The following BRDT variants were observed in gnomAD, a reference collection of about 807,000 sequenced individuals.
The protein encoded by BRDT is bromodomain testis associated, also known as bromodomain testis-specific protein.
BRDT carries 77 observed loss-of-function variants against 113.9 expected under a neutral mutation model. That is an observed-to-expected ratio of 0.68 (90% CI 0.56 to 0.82). BRDT has a LOEUF of 0.82. Among genes scored for constraint, BRDT ranks in the 40% least tolerant of loss-of-function variants. The probability of loss-of-function intolerance (pLI) is 0.00; values close to 1 mark genes in which losing one functional copy is unlikely to be tolerated. For synonymous variants in BRDT, 358 were observed against 366.5 expected (o/e 0.98, Z 0.26); for missense variants, 1,027 against 1,105.4 (o/e 0.93, Z 1.01).
At chr1:91,953,281 T>C (rs1049995348) in intron 1 of BRDT, among the ~76,000 whole-genome samples, 1 of 152,196 alleles carries the variant, frequency 6.6e-6, no homozygotes, top group African/African-American at 2.4e-5. Flanking sequence ...ACCTCCAGAA[T>C]CCAAGCTCTT....
At chr1:91,991,571 A>C (rs1685754872) in intron 13 of BRDT, among the ~76,000 whole-genome samples, 1 of 152,222 alleles carries the variant, frequency 6.6e-6, no homozygotes, top group Non-Finnish European at 1.5e-5. Context: ...AACTATGCGT[A>C]CAGTGAAGTG....
chr1:91,962,809 T>A lies in BRDT; in HGVS notation c.55T>A (p.Tyr19Asn), dbSNP rs1401930664. The change falls in exon 2 of 19, where the codon TAT becomes AAT. Residue 19 changes from tyrosine (Y) to asparagine (N), a missense_variant. Transcript: ENST00000399546. ...TATTGTTAACCCTCCTCCACCAGAA[T>A]ATATAAATACTAAGAAAAATGGGCG... The part of the protein sequence containing the change: ...AIIVNPPPPE[Y>N]INTKKNGRLT... 1 of 1,610,052 alleles carries A rather than the reference T, an allele frequency of 6.2e-7. No individual in the cohort carries two copies. The highest frequency in any genetic ancestry group is 8.5e-7 in the Non-Finnish European group (1 of 1,178,786).
chr1:91,972,983 A>C (rs1683772828), intron 4 of BRDT, among the ~76,000 whole-genome samples: 1 of 152,188 alleles, frequency 6.6e-6, no homozygotes, highest in East Asian at 1.9e-4. Context: ...AGAGCTAGAC[A>C]GTTGGTGAGT....
At chr1:91,956,998 G>T (rs892304730) in intron 1 of BRDT, among the ~76,000 whole-genome samples, 2 of 151,922 alleles carry the variant, frequency 1.3e-5, no homozygotes, top group Non-Finnish European at 2.9e-5. Flanking sequence ...CACATTTTTG[G>T]CAAAAAGGCT....
intron 4 of BRDT, among the ~76,000 whole-genome samples, chr1:91,975,275 G>A (rs1684023753): frequency 6.6e-6 from 1 of 151,700 alleles, no homozygotes; most frequent in African/African-American, 2.4e-5. Flanking sequence ...GAACTTAAAA[G>A]TATAATAAAA....
At chr1:92,005,827 T>C (rs1251943695) in intron 18 of BRDT, among the ~76,000 whole-genome samples, 1 of 152,236 alleles carries the variant, frequency 6.6e-6, no homozygotes, top group Non-Finnish European at 1.5e-5. Context: ...TGTTACTGTT[T>C]AAAAATCTGT....
chr1:91,958,780 G>C (rs1263811179), intron 1 of BRDT, among the ~76,000 whole-genome samples: 2 of 152,110 alleles, frequency 1.3e-5, no homozygotes, highest in Admixed American at 1.3e-4. Context: ...ATGAGGCGGG[G>C]AACCGTGGGC....
chr1:91,950,684 C>CCTTTTT (rs745690530), intron 1 of BRDT: 1 of 80,410 alleles, frequency 1.2e-5, no homozygotes, highest in African/African-American at 4.8e-5. Context: ...TGGATAATTG[C>CCTTTTT]TTTTTTTTTT....
At position 92,004,634 on chromosome 1, in the gene BRDT, G is replaced by A. The variant is rs761418935; in HGVS notation, c.2594+15G>A. The A allele has an allele frequency of 9.5e-6, 15 of 1,575,894 alleles. No homozygotes were observed. The highest frequency in any genetic ancestry group is 1.2e-5 in the Non-Finnish European group (14 of 1,164,220). On this transcript the variant is annotated intron_variant, in intron 17 of 18. Coordinates refer to ENST00000399546, the MANE Select transcript of BRDT (RefSeq NM_207189.4). The stretch of plus-strand genomic sequence containing the variant: ...GAAAATCAGAGGTCTGTAATTTACT[G>A]GATTAAAGGAGGGTTTGGGAGATAT...
intron 4 of BRDT, among the ~76,000 whole-genome samples, chr1:91,968,515 G>A (rs1481119466): frequency 1.3e-5 from 2 of 152,050 alleles, no homozygotes; most frequent in Non-Finnish European, 2.9e-5. Flanking sequence ...CACATAGTAG[G>A]GATTCAGAAA....
chr1:91,955,225 G>T (rs986653137), intron 1 of BRDT, among the ~76,000 whole-genome samples: 1 of 152,108 alleles, frequency 6.6e-6, no homozygotes, highest in African/African-American at 2.4e-5. Context: ...GGAGGCTGAG[G>T]CAGGTGGATC....
Position 92,005,286 on chromosome 1 carries a change from G to C in BRDT, c.2762G>C (p.Arg921Thr). The C allele has an allele frequency of 6.4e-7, 1 of 1,554,254 alleles. No individual in the cohort carries two copies. Among genetic ancestry groups the C allele is most frequent in the Non-Finnish European group, 8.6e-7 (1 of 1,158,974 alleles). ...DLARQKEQERRRREAMVGTID... is the reference protein window; with the variant it reads ...DLARQKEQERTRREAMVGTID... ...GCAAGGCAGAAAGAACAAGAGAGGAGGAGGAGAGAAGCAGTAAGTGAATTT... is the reference window on the plus strand; with the variant it reads ...GCAAGGCAGAAAGAACAAGAGAGGACGAGGAGAGAAGCAGTAAGTGAATTT... The change falls in exon 18 of 19, where the codon AGG (arginine) becomes ACG (threonine). Residue 921 changes from arginine (R) to threonine (T), a missense_variant. Arg to Thr is a moderately conservative substitution (Grantham distance 71). Transcript: ENST00000399546.
At chr1:91,958,415 C>T (rs1317136309) in intron 1 of BRDT, among the ~76,000 whole-genome samples, 1 of 151,988 alleles carries the variant, frequency 6.6e-6, no homozygotes, top group Non-Finnish European at 1.5e-5. Flanking sequence ...GGGTTTTCAC[C>T]ATATTGCCCA....
rs200254179 is a variant in BRDT, at chr1:91,995,403, C to CTG, written c.2287+1203_2287+1204dup. 1.4e-3 allele frequency among the ~76,000 whole-genome samples: 209 copies of CTG among 146,838 alleles called. 1 individual carries two copies. The highest frequency in any genetic ancestry group is 3.8e-3 in the East Asian group (18 of 4,792). ...TTCAGTTTAAAATCTCCCTACTATT[C>CTG]TGTGTGTGTGTGTGTGTGTGTGTGT... is the stretch of plus-strand genomic sequence containing the variant. On this transcript the variant is annotated intron_variant, in intron 15 of 18. Coordinates refer to ENST00000399546, the MANE Select transcript of BRDT (RefSeq NM_207189.4).
At chr1:92,002,403 G>A (rs1396667106) in intron 16 of BRDT, among the ~76,000 whole-genome samples, 5 of 151,652 alleles carry the variant, frequency 3.3e-5, no homozygotes, top group African/African-American at 7.3e-5. Flanking sequence ...TCACTCTGTC[G>A]CCTAGGCTGG....
intron 12 of BRDT, among the ~76,000 whole-genome samples, chr1:91,985,753 C>G (rs1685164996): frequency 6.6e-6 from 1 of 151,304 alleles, no homozygotes; most frequent in Admixed American, 6.6e-5. Context: ...ATTCTCCTGC[C>G]TCAGCCTGCC....
chr1:92,002,369 G>A (rs533650671), intron 16 of BRDT, among the ~76,000 whole-genome samples: 1 of 151,488 alleles, frequency 6.6e-6, no homozygotes, highest in South Asian at 2.1e-4. Context: ...TTTTTTTGTT[G>A]TTGTTTTTTT....
intron 11 of BRDT, 78 bp downstream of exon 11, chr1:91,981,459 G>T: frequency 6.7e-7 from 1 of 1,493,814 alleles, no homozygotes; most frequent in South Asian, 1.2e-5. Flanking sequence ...TGCCCAGGCT[G>T]GTCTTGAACT....
At chr1:91,968,125 T>C in intron 3 of BRDT, 21 bp from the exon 4 acceptor site, 3 of 1,612,068 alleles carry the variant, frequency 1.9e-6, no homozygotes, top group Non-Finnish European at 1.7e-6. Flanking sequence ...ATCCTTATGG[T>C]ATATTTAATA....
Sources: gnomAD v4.1 joint callset for allele counts (sites outside exome capture counted in the v4.1 genomes callset) on GRCh38, gnomAD v4.1.1 for gene constraint, MANE v1.5 for transcripts, NCBI Gene and HGNC (gene_info 2026-07-23, HGNC 2026-07-21) for gene names.